The following MAF variants were observed in gnomAD, a reference collection of about 807,000 sequenced individuals.
MAF encodes transcription factor Maf.
In MAF, 10 loss-of-function variants were observed where a neutral mutation model predicts 22.0. That is an observed-to-expected ratio of 0.45 (90% confidence interval 0.28 to 0.77). The LOEUF (loss-of-function observed/expected upper bound fraction) is 0.77, where lower values mean the gene tolerates loss of function less well. MAF is among the 30% of genes least tolerant of loss of function. The pLI, the probability that MAF is intolerant of heterozygous loss-of-function variation, is 0.12. For missense variants in MAF, 544 were observed against 548.4 expected, an observed-to-expected ratio of 0.99 and a Z score of 0.08; for synonymous variants, 337 against 255.8, an observed-to-expected ratio of 1.32 and a Z score of -3.03.
the MAF span, among the ~76,000 whole-genome samples, chr16:79,270,263 C>CTAT: frequency 6.6e-6 from 1 of 152,124 alleles, no homozygotes; most frequent in East Asian, 1.9e-4. Flanking sequence ...GTGTGCTGGC[C>CTAT]TGAGGGCTGC....
At chr16:79,208,174 C>G in the MAF span, among the ~76,000 whole-genome samples, 2 of 152,182 alleles carry the variant, frequency 1.3e-5, no homozygotes, top group East Asian at 1.9e-4. Context: ...TTGCACAGTT[C>G]TCCTCTGGCA....
chr16:79,262,192 T>C, the MAF span, among the ~76,000 whole-genome samples: 1 of 152,146 alleles, frequency 6.6e-6, no homozygotes, highest in African/African-American at 2.4e-5. Flanking sequence ...TGGGTAGTTT[T>C]TGCAGATGAG....
chr16:79,420,143 T>C, the MAF span, among the ~76,000 whole-genome samples: 8 of 152,304 alleles, frequency 5.3e-5, no homozygotes, highest in South Asian at 1.7e-3. Context: ...GGAGACAGAC[T>C]AATACTTTGT....
chr16:79,330,492 G>A, the MAF span, among the ~76,000 whole-genome samples: 4 of 152,318 alleles, frequency 2.6e-5, no homozygotes, highest in East Asian at 7.7e-4. Flanking sequence ...CTCTGGCCAT[G>A]ATCATGGCTG....
At chr16:79,458,100 G>C in the MAF span, among the ~76,000 whole-genome samples, 1 of 138,444 alleles carries the variant, frequency 7.2e-6, no homozygotes, top group Non-Finnish European at 1.5e-5. Flanking sequence ...TAAGATTTTG[G>C]TATGTATAAG....
At chr16:79,575,789 C>T in the MAF span, among the ~76,000 whole-genome samples, 1 of 152,162 alleles carries the variant, frequency 6.6e-6, no homozygotes, top group Non-Finnish European at 1.5e-5. Context: ...AACAAAGGAA[C>T]AGAAACCTGA....
the MAF span, among the ~76,000 whole-genome samples, chr16:79,311,493 T>C: frequency 7.4e-6 from 1 of 135,070 alleles, no homozygotes; most frequent in Non-Finnish European, 1.5e-5. Flanking sequence ...AATATTGTTT[T>C]CTTTAAAAAA....
At chr16:79,386,399 C>T in the MAF span, among the ~76,000 whole-genome samples, 5 of 152,152 alleles carry the variant, frequency 3.3e-5, no homozygotes, top group Middle Eastern at 3.4e-3. Flanking sequence ...ATGTGCAGTT[C>T]GCAATAGGGT....
chr16:79,573,362 T>C, the MAF span, among the ~76,000 whole-genome samples: 4 of 152,228 alleles, frequency 2.6e-5, no homozygotes, highest in Non-Finnish European at 5.9e-5. Context: ...AGATTAAAAA[T>C]CTAGGTTGCT....
chr16:79,311,609 C>A, the MAF span, among the ~76,000 whole-genome samples: 15 of 152,050 alleles, frequency 9.9e-5, no homozygotes, highest in Non-Finnish European at 2.2e-4. Context: ...GAGAGGCAGG[C>A]AGCCAAGCCC....
chr16:79,293,331 C>T, the MAF span, among the ~76,000 whole-genome samples: 1 of 152,142 alleles, frequency 6.6e-6, no homozygotes, highest in Non-Finnish European at 1.5e-5. Context: ...ACCTCACTCA[C>T]ATGGGCAAAG....
At chr16:79,434,665 A>C in the MAF span, among the ~76,000 whole-genome samples, 177 of 151,846 alleles carry the variant, frequency 1.2e-3, no homozygotes, top group Non-Finnish European at 1.8e-3. Context: ...TAGATGAGAT[A>C]CCATTTTAAT....
At chr16:79,542,907 G>A in the MAF span, among the ~76,000 whole-genome samples, 25 of 152,178 alleles carry the variant, frequency 1.6e-4, no homozygotes, top group African/African-American at 3.4e-4. Flanking sequence ...TCATAAGCTA[G>A]CACATCTGAC....
At chr16:79,560,051 T>A in the MAF span, among the ~76,000 whole-genome samples, 6 of 152,106 alleles carry the variant, frequency 3.9e-5, no homozygotes, top group Admixed American at 2.0e-4. Flanking sequence ...ACTACAGGCA[T>A]GGGCCACCAT....
At chr16:79,424,742 A>G in the MAF span, among the ~76,000 whole-genome samples, 2 of 152,198 alleles carry the variant, frequency 1.3e-5, no homozygotes, top group Admixed American at 6.5e-5. Flanking sequence ...ATCCTGCTGC[A>G]TAACCAACTC....
chr16:79,393,719 GCTCCT>G, the MAF span, among the ~76,000 whole-genome samples: 1 of 152,142 alleles, frequency 6.6e-6, no homozygotes, highest in African/African-American at 2.4e-5. Flanking sequence ...TGGCTAGCCA[GCTCCT>G]CTCTTTTCTG....
At chr16:79,523,226 C>A in the MAF span, among the ~76,000 whole-genome samples, 1 of 152,160 alleles carries the variant, frequency 6.6e-6, no homozygotes, top group Non-Finnish European at 1.5e-5. Flanking sequence ...ATCTTCTAGC[C>A]ATGATTGTTC....
the MAF span, chr16:79,204,345 G>T: frequency 6.6e-6 from 1 of 152,056 alleles, no homozygotes; most frequent in Non-Finnish European, 1.5e-5. Context: ...ATGGAAGATG[G>T]AACAAGTGTG....
At chr16:79,470,835 C>G in the MAF span, among the ~76,000 whole-genome samples, 3 of 152,170 alleles carry the variant, frequency 2.0e-5, no homozygotes, top group Admixed American at 2.0e-4. Context: ...GACGCCAGAA[C>G]TAGTGTGTTT....
Sources: gnomAD v4.1 joint callset for allele counts (sites outside exome capture counted in the v4.1 genomes callset) on GRCh38, gnomAD v4.1.1 for gene constraint, MANE v1.5 for transcripts, NCBI Gene and HGNC (gene_info 2026-07-23, HGNC 2026-07-21) for gene names.